Variants in DNAH14 observed in about 807,000 individuals in gnomAD.
DNAH14 encodes the protein axonemal beta dynein heavy chain 14.
DNAH14 carries 478 observed loss-of-function variants against 520.9 expected under a neutral mutation model. That is an observed-to-expected ratio of 0.92 (90% CI 0.85 to 0.99). DNAH14 has a LOEUF of 0.99. Among genes scored for constraint, DNAH14 ranks in the 50% least tolerant of loss-of-function variants. The pLI is 0.00. For synonymous variants in DNAH14, 1,581 were observed against 1,757.2 expected, an observed-to-expected ratio of 0.90 and a Z score of 2.51; for missense variants, 4,831 against 5,234.5, an observed-to-expected ratio of 0.92 and a Z score of 2.38.
chr1:225,222,883 G>A (rs554783796), intron 41 of DNAH14, among the ~76,000 whole-genome samples: 17 of 152,254 alleles, frequency 1.1e-4, no homozygotes, highest in African/African-American at 4.1e-4. Flanking sequence ...GAACAAGTGG[G>A]GAGAAATTTT....
chr1:225,285,017 G>A (rs747910469), intron 54 of DNAH14, among the ~76,000 whole-genome samples: 3 of 152,192 alleles, frequency 2.0e-5, no homozygotes, highest in East Asian at 1.9e-4. Context: ...CTTACAGCTA[G>A]CCTTATGCTT....
At chr1:225,098,470 G>A (rs2075181291) in intron 22 of DNAH14, among the ~76,000 whole-genome samples, 1 of 152,154 alleles carries the variant, frequency 6.6e-6, no homozygotes, top group Non-Finnish European at 1.5e-5. Flanking sequence ...TATTTGAAAG[G>A]CCTATTATAG....
At chr1:225,303,885 C>T (rs1292952966) in intron 57 of DNAH14, among the ~76,000 whole-genome samples, 2 of 152,176 alleles carry the variant, frequency 1.3e-5, no homozygotes, top group Non-Finnish European at 2.9e-5. Flanking sequence ...GCTGTAAATG[C>T]ATAGAGAACT....
intron 17 of DNAH14, among the ~76,000 whole-genome samples, chr1:225,059,712 G>A (rs1238397539): frequency 6.6e-6 from 1 of 151,986 alleles, no homozygotes; most frequent in Non-Finnish European, 1.5e-5. Context: ...GCTCTTTTAG[G>A]GCAGGCCTGG....
chr1:225,168,337 C>T (rs12403752), intron 36 of DNAH14, among the ~76,000 whole-genome samples: 19,466 of 152,104 alleles, frequency 0.13, 1,405 homozygotes, highest in East Asian at 0.31. Context: ...GAGCGTGAGC[C>T]GAAGCAGGGC....
At chr1:225,160,297 C>A (rs929367521) in intron 35 of DNAH14, among the ~76,000 whole-genome samples, 1 of 152,076 alleles carries the variant, frequency 6.6e-6, no homozygotes, top group Admixed American at 6.6e-5. Flanking sequence ...TCCCTGAAAT[C>A]CAACCTGTCT....
chr1:225,337,938 A>G, intron 67 of DNAH14, 123 bp from the exon 68 acceptor site: 1 of 948,060 alleles, frequency 1.1e-6, no homozygotes, highest in Non-Finnish European at 1.5e-6. Context: ...CTGTTGTACT[A>G]TGAAATACTA....
intron 10 of DNAH14, among the ~76,000 whole-genome samples, chr1:225,012,493 G>T (rs990163739): frequency 6.6e-6 from 1 of 151,914 alleles, no homozygotes; most frequent in Non-Finnish European, 1.5e-5. Context: ...TTGAATATTG[G>T]CCTGTCTTGC....
At chr1:225,277,794 G>A (rs901706074) in intron 54 of DNAH14, among the ~76,000 whole-genome samples, 3 of 152,150 alleles carry the variant, frequency 2.0e-5, no homozygotes, top group Non-Finnish European at 4.4e-5. Flanking sequence ...CAAAAATAGT[G>A]CGCTTACTTG....
At chr1:225,257,640 A>G (rs1236087747) in intron 44 of DNAH14, among the ~76,000 whole-genome samples, 1 of 150,674 alleles carries the variant, frequency 6.6e-6, no homozygotes, top group African/African-American at 2.4e-5. Flanking sequence ...GGTTCAGGCC[A>G]TTCTTCTGCC....
At chr1:225,373,273 G>A (rs2095642016) in intron 77 of DNAH14, among the ~76,000 whole-genome samples, 1 of 151,994 alleles carries the variant, frequency 6.6e-6, no homozygotes, top group Non-Finnish European at 1.5e-5. Flanking sequence ...GCCAGATCAC[G>A]AGGTCAGGAG....
rs778829039 is a variant in DNAH14, at chr1:224,952,771, A to T, written c.69A>T (p.Thr23=). ...NQEMDKEETK[T]KPRLLRYEEK... Reference sequence around the variant, plus strand: ...AGATGGACAAGGAGGAAACCAAGACAAAACCAAGGTAAAAGTAAGATAAAA... The same window carrying T: ...AGATGGACAAGGAGGAAACCAAGACTAAACCAAGGTAAAAGTAAGATAAAA... The change falls in exon 2 of 86, where the codon ACA becomes ACT. Residue 23 remains threonine, a synonymous_variant. Transcript: ENST00000682510. 3 of 1,596,848 alleles carry T rather than the reference A, an allele frequency of 1.9e-6. No individual in the cohort carries two copies. In the East Asian group the frequency reaches 6.7e-5, roughly 36 times the overall value.
intron 84 of DNAH14, among the ~76,000 whole-genome samples, chr1:225,394,072 G>A (rs896324244): frequency 2.6e-5 from 4 of 152,052 alleles, no homozygotes; most frequent in Admixed American, 6.6e-5. Context: ...CCCCTGCTCC[G>A]CCTCCCAAAG....
intron 41 of DNAH14, among the ~76,000 whole-genome samples, chr1:225,210,392 T>C (rs1479870523): frequency 6.6e-6 from 1 of 152,106 alleles, no homozygotes; most frequent in African/African-American, 2.4e-5. Context: ...ACAAAGGAAC[T>C]GGGAAGTTCA....
chr1:225,049,814 CATCT>C lies in DNAH14; in HGVS notation c.1913-389_1913-386del, dbSNP rs150766641. Among the ~76,000 whole-genome samples the C allele has an allele frequency of 4.2e-3, 642 of 151,134 alleles. 3 individuals are homozygous for C. Among genetic ancestry groups the C allele is most frequent in the African/African-American group, 0.015 (606 of 41,302 alleles). ...TCTATCTATCTATCTATCTATCAAT[CATCT>C]ATCTATGCCTGTGGACATCCAGTTG... On this transcript the variant is annotated intron_variant, in intron 15 of 85. Transcript: ENST00000682510.
At position 224,974,124 on chromosome 1, in the gene DNAH14, T is replaced by G. The variant is rs1401453549; in HGVS notation, c.801T>G (p.Asn267Lys). The change falls in exon 8 of 86, where the codon AAT (asparagine) becomes AAG (lysine). Residue 267 changes from asparagine (N) to lysine (K), a missense_variant. Coordinates refer to ENST00000682510, the MANE Select transcript of DNAH14 (RefSeq NM_001367479.1). ...MNKAFVTWKL[N>K]VKRIKTEKSR... ...AAGCATTTGTTACCTGGAAATTGAA[T>G]GTTAAAAGAATTAAGACAGAGAAGA... The G allele has an allele frequency of 6.6e-7, 1 of 1,508,126 alleles. No homozygotes were observed. Among genetic ancestry groups the G allele is most frequent in the Non-Finnish European group, 8.9e-7 (1 of 1,123,720 alleles). 93.4% of individuals were successfully genotyped at this position (1,508,126 alleles called of 1,614,324 possible). A position where few individuals can be genotyped will look rare whatever the true frequency, so the allele number is the denominator to read the frequency against.
intron 8 of DNAH14, among the ~76,000 whole-genome samples, chr1:224,999,096 G>C (rs1369939244): frequency 1.3e-5 from 2 of 151,742 alleles, no homozygotes; most frequent in Admixed American, 6.6e-5. Flanking sequence ...TTTGATTAGT[G>C]TTTACACAAT....
intron 41 of DNAH14, among the ~76,000 whole-genome samples, chr1:225,229,313 G>C (rs977206518): frequency 1.3e-5 from 2 of 152,198 alleles, no homozygotes; most frequent in African/African-American, 2.4e-5. Context: ...CTTTTACACT[G>C]TTGGTGGGAG....
At chr1:225,082,907 T>C (rs960161294) in intron 20 of DNAH14, among the ~76,000 whole-genome samples, 168 bp downstream of exon 20, 1 of 152,178 alleles carries the variant, frequency 6.6e-6, no homozygotes, top group Non-Finnish European at 1.5e-5. Flanking sequence ...AATTATTTAA[T>C]TGGAGATATT....
Sources: allele counts gnomAD v4.1 joint callset (sites outside exome capture counted in the v4.1 genomes callset), GRCh38; gene constraint gnomAD v4.1.1; transcripts MANE v1.5; gene names NCBI Gene and HGNC (gene_info 2026-07-23, HGNC 2026-07-21).